The following NALF1 variants were observed in gnomAD, a reference collection of about 807,000 sequenced individuals.
The protein encoded by NALF1 is family with sequence similarity 155 member A.
A neutral mutation model predicts 48.4 loss-of-function variants in NALF1; 3 were observed. The observed-to-expected ratio is 0.06, with a 90% CI of 0.03 to 0.16. The LOEUF (loss-of-function observed/expected upper bound fraction) is 0.16. NALF1 is among the 10% of genes least tolerant of loss of function. NALF1 has a pLI of 1.00. For missense variants in NALF1, 526 were observed against 571.5 expected (o/e 0.92, Z 0.81); for synonymous variants, 262 against 245.7 (o/e 1.07, Z -0.62).
At chr13:107,210,975 T>G (rs1347483608) in intron 1 of NALF1, among the ~76,000 whole-genome samples, 1 of 152,212 alleles carries the variant, frequency 6.6e-6, no homozygotes, top group Admixed American at 6.5e-5. Flanking sequence ...GCATCCCTAA[T>G]AGAATGTAAA....
chr13:107,633,846 AT>A (rs1879901114), intron 1 of NALF1, among the ~76,000 whole-genome samples: 1 of 146,346 alleles, frequency 6.8e-6, no homozygotes, highest in African/African-American at 2.5e-5. Flanking sequence ...GGTCTCATAT[AT>A]TTGCTCACAT....
rs1007758080 is a variant in NALF1, at chr13:107,166,813, A to G, written c.*3684T>C. 4 of 142,528 alleles carry G rather than the reference A, an allele frequency of 2.8e-5. No individual in the cohort carries two copies. Among genetic ancestry groups the G allele is most frequent in the Non-Finnish European group, 6.1e-5 (4 of 65,740 alleles). The allele number at this position is 142,528 out of a possible 1,614,324, so 8.8% of individuals were successfully genotyped here. ...CCTCTTTCCTTCCTTCTTTCCTGTC[A>G]TTCTTTTGTTTCTGCTATCTGCCTA... On this transcript the variant is annotated 3_prime_UTR_variant, in exon 3 of 3. Transcript: ENST00000375915.
chr13:107,573,879 C>T (rs1489964785), intron 1 of NALF1, among the ~76,000 whole-genome samples: 1 of 152,146 alleles, frequency 6.6e-6, no homozygotes, highest in African/African-American at 2.4e-5. Context: ...GAGTCTTCCC[C>T]AGCCATGTGG....
At chr13:107,669,890 C>T (rs764214325) in intron 1 of NALF1, among the ~76,000 whole-genome samples, 3 of 152,084 alleles carry the variant, frequency 2.0e-5, no homozygotes, top group East Asian at 1.9e-4. Flanking sequence ...CTCTGGGTCA[C>T]GGAATTATAT....
intron 1 of NALF1, among the ~76,000 whole-genome samples, chr13:107,431,939 CT>C (rs1884388947): frequency 6.6e-6 from 1 of 152,148 alleles, no homozygotes; most frequent in Admixed American, 6.6e-5. Flanking sequence ...TGAGGGACCA[CT>C]TCATTGCACC....
At chr13:107,612,890 C>A (rs947013122) in intron 1 of NALF1, among the ~76,000 whole-genome samples, 1 of 151,758 alleles carries the variant, frequency 6.6e-6, no homozygotes, top group African/African-American at 2.4e-5. Context: ...ATCTAACTAT[C>A]AAATAGGACA....
At position 107,236,288 on chromosome 13, in the gene NALF1, G is replaced by A. The variant is rs555123476; in HGVS notation, c.916-25533C>T. 9.9e-5 allele frequency among the ~76,000 whole-genome samples: 15 copies of A among 152,262 alleles called. No individual in the cohort carries two copies. In the South Asian group the frequency reaches 2.7e-3, roughly 27 times the overall value. The stretch of plus-strand genomic sequence containing the variant: ...TGGATGGGGATAAAGGACCAGCAAA[G>A]TACCAAAATTTCTCAGGCTTTCAAA... On this transcript the variant is annotated intron_variant, in intron 1 of 2. Transcript: ENST00000375915.
intron 1 of NALF1, among the ~76,000 whole-genome samples, chr13:107,455,049 C>T (rs1189084341): frequency 6.6e-6 from 1 of 152,102 alleles, no homozygotes; most frequent in Non-Finnish European, 1.5e-5. Context: ...CAATTTCCTC[C>T]ATGCTGTTTT....
chr13:107,521,488 T>C (rs965757073), intron 1 of NALF1, among the ~76,000 whole-genome samples: 1 of 152,216 alleles, frequency 6.6e-6, no homozygotes, highest in Non-Finnish European at 1.5e-5. Context: ...TCATTATAGT[T>C]TCATACAAAA....
At chr13:107,553,014 T>TC (rs1390784859) in intron 1 of NALF1, among the ~76,000 whole-genome samples, 6 of 152,126 alleles carry the variant, frequency 3.9e-5, no homozygotes, top group African/African-American at 1.4e-4. Flanking sequence ...TGAAAGGCCT[T>TC]CCTTCAGTTT....
chr13:107,865,840 T>G lies in NALF1; in HGVS notation c.757A>C (p.Lys253Gln). The G allele has an allele frequency of 6.2e-7, 1 of 1,613,976 alleles. No individual in the cohort carries two copies. Among genetic ancestry groups the G allele is most frequent in the Non-Finnish European group, 8.5e-7 (1 of 1,179,954 alleles). Residue 253 changes from lysine to glutamine, a missense_variant, in exon 1 of 3, where the codon AAG (lysine) becomes CAG (glutamine). Physicochemically the swap from Lys to Gln is moderately conservative, Grantham distance 53. This residue lies in a region of NALF1 where 373 missense variants were observed against 355.5 expected (regional missense o/e 1.05). Transcript: ENST00000375915. ...TLNCSLDVVL[K>Q]EGGEMTTCRQ... Reference sequence around the variant, plus strand: ...CAAGTGGTCATCTCGCCGCCTTCCTTGAGCACCACATCCAGACTGCAGTTC... The same window carrying G: ...CAAGTGGTCATCTCGCCGCCTTCCTGGAGCACCACATCCAGACTGCAGTTC...
In NALF1 at chr13:107,863,700, T is replaced by A. The variant is rs114808217; in HGVS notation, c.915+1982A>T. 6.1e-3 allele frequency among the ~76,000 whole-genome samples: 936 copies of A among 152,280 alleles called. 13 individuals are homozygous for A. The highest frequency in any genetic ancestry group is 0.021 in the African/African-American group (877 of 41,576). On this transcript the variant is annotated intron_variant, in intron 1 of 2. Transcript: ENST00000375915. ...AAAAACATAATCCAGAAGTAGGCAA[T>A]AACGTTATAAATGAGTTAACTTACA... is the stretch of plus-strand genomic sequence containing the variant.
At chr13:107,277,896 G>C (rs1179510704) in intron 1 of NALF1, among the ~76,000 whole-genome samples, 2 of 152,186 alleles carry the variant, frequency 1.3e-5, no homozygotes, top group Non-Finnish European at 2.9e-5. Context: ...CACTTGTTCT[G>C]TCCTGCGTTC....
At chr13:107,374,196 C>A (rs1382139036) in intron 1 of NALF1, among the ~76,000 whole-genome samples, 2 of 152,174 alleles carry the variant, frequency 1.3e-5, no homozygotes, top group African/African-American at 2.4e-5. Flanking sequence ...CTGTAGTCAA[C>A]CTGGACCAGT....
chr13:107,490,087 C>A (rs557082092), intron 1 of NALF1, among the ~76,000 whole-genome samples: 81 of 152,096 alleles, frequency 5.3e-4, no homozygotes, highest in African/African-American at 1.9e-3. Context: ...CAGATTCTGG[C>A]AAGGTTGTGG....
At chr13:107,855,200 C>T in intron 1 of NALF1, among the ~76,000 whole-genome samples, 1 of 152,152 alleles carries the variant, frequency 6.6e-6, no homozygotes, top group Non-Finnish European at 1.5e-5. Flanking sequence ...TTTACAGGAA[C>T]TGGTGAAAGC....
At chr13:107,334,386 C>A (rs1882519712) in intron 1 of NALF1, among the ~76,000 whole-genome samples, 2 of 152,292 alleles carry the variant, frequency 1.3e-5, no homozygotes, top group South Asian at 2.1e-4. Context: ...CTCAACCCTC[C>A]CTTTTGTATT....
At chr13:107,703,736 C>T (rs772927941) in intron 1 of NALF1, among the ~76,000 whole-genome samples, 43 of 152,080 alleles carry the variant, frequency 2.8e-4, no homozygotes, top group Admixed American at 7.2e-4. Context: ...TTTCTTTTTC[C>T]CCCGGAGTCC....
intron 1 of NALF1, among the ~76,000 whole-genome samples, chr13:107,783,622 G>A (rs1877987069): frequency 6.6e-6 from 1 of 152,070 alleles, no homozygotes; most frequent in South Asian, 2.1e-4. Context: ...AATGGATTAA[G>A]GGCGGTGCAA....
Sources: gnomAD v4.1 joint callset for allele counts (sites outside exome capture counted in the v4.1 genomes callset) on GRCh38, gnomAD v4.1.1 for gene constraint, gnomAD v4.1.1 regional missense constraint, MANE v1.5 for transcripts, NCBI Gene and HGNC (gene_info 2026-07-23, HGNC 2026-07-21) for gene names.